Variants in FAP observed in about 807,000 individuals in gnomAD.
FAP encodes the protein fibroblast activation protein alpha.
A neutral mutation model predicts 126.5 loss-of-function variants in FAP; 110 were observed. The ratio of observed to expected loss-of-function variants is 0.87; its 90% CI spans 0.74 to 1.02. The LOEUF (loss-of-function observed/expected upper bound fraction) is 1.02. Among genes scored for constraint, FAP ranks in the 50% least tolerant of loss-of-function variants. The probability of loss-of-function intolerance (pLI) is 0.00; values close to 1 mark genes in which losing one functional copy is unlikely to be tolerated. For missense variants in FAP, 919 were observed against 909.2 expected (o/e 1.01, Z -0.14); for synonymous variants, 334 against 297.3 (o/e 1.12, Z -1.27).
At chr2:162,183,349 G>C in intron 21 of FAP, 65 bp downstream of exon 21, 3 of 1,191,988 alleles carry the variant, frequency 2.5e-6, no homozygotes, top group Non-Finnish European at 3.7e-6. Flanking sequence ...CCTTCTAAAC[G>C]AACACTTCAG....
chr2:162,192,321 C>T (rs1219838467), intron 17 of FAP, among the ~76,000 whole-genome samples: 1 of 151,722 alleles, frequency 6.6e-6, no homozygotes, highest in Non-Finnish European at 1.5e-5. Flanking sequence ...TTAGAGCAAG[C>T]CTTCCCTCAC....
At chr2:162,224,253 A>C (rs1165075590) in intron 5 of FAP, among the ~76,000 whole-genome samples, 1 of 152,128 alleles carries the variant, frequency 6.6e-6, no homozygotes, top group Non-Finnish European at 1.5e-5. Context: ...AAATGATGCA[A>C]GTATTATTTT....
chr2:162,218,561 T>TTAGATAGATAGA (rs3217172), intron 8 of FAP, among the ~76,000 whole-genome samples: 16 of 148,466 alleles, frequency 1.1e-4, no homozygotes, highest in Admixed American at 2.0e-4. Flanking sequence ...CACAGTTAGT[T>TTAGATAGATAGA]TAGATAGATA....
chr2:162,210,525 C>G (rs1243587799), intron 11 of FAP, among the ~76,000 whole-genome samples: 1 of 151,936 alleles, frequency 6.6e-6, no homozygotes, highest in Non-Finnish European at 1.5e-5. Flanking sequence ...GAGACCAGAC[C>G]TGCTTAGTCA....
At chr2:162,218,214 G>T in intron 8 of FAP, 74 bp from the exon 9 acceptor site, 1 of 972,572 alleles carries the variant, frequency 1.0e-6, no homozygotes, top group Non-Finnish European at 1.5e-6. Flanking sequence ...CTTCTAAATA[G>T]CTATTTATCA....
At position 162,198,892 on chromosome 2, in the gene FAP, A is replaced by G; in HGVS notation, c.1278-11T>C. ...CTTCCAATGCTAATTCTAGAGGGAA[A>G]TGAAAATAAAACTAAGCTGAAATTT... is the stretch of plus-strand genomic sequence containing the variant. On this transcript the variant is annotated splice_polypyrimidine_tract_variant and intron_variant, in intron 15 of 25. Coordinates refer to ENST00000188790, the MANE Select transcript of FAP (RefSeq NM_004460.5). 18 of 1,612,838 alleles carry G rather than the reference A, an allele frequency of 1.1e-5. No individual in the cohort carries two copies. The highest frequency in any genetic ancestry group is 1.5e-5 in the Non-Finnish European group (18 of 1,179,010).
At position 162,194,621 on chromosome 2, in the gene FAP, T is replaced by A. The variant is rs1688175148; in HGVS notation, c.1450+80A>T. ...GTTCCCCTTGGTGGTGTGGAGAAAC[T>A]GTCCTGCTTTCTCTAGCGGAGCATC... On this transcript the variant is annotated intron_variant, in intron 17 of 25. Coordinates refer to ENST00000188790, the MANE Select transcript of FAP (RefSeq NM_004460.5). The A allele has an allele frequency of 3.1e-6, 4 of 1,276,088 alleles. No individual in the cohort carries two copies. In the South Asian group the frequency reaches 4.8e-5, roughly 15 times the overall value. The allele number at this position is 1,276,088 out of a possible 1,614,324, so 79.0% of individuals were successfully genotyped here.
chr2:162,189,845 AC>A lies in FAP; in HGVS notation c.1451-92del. The A allele has an allele frequency of 7.3e-6, 5 of 681,062 alleles. No homozygotes were observed. In the East Asian group the frequency reaches 1.4e-4, roughly 19 times the overall value. 42.2% of individuals were successfully genotyped at this position (681,062 alleles called of 1,614,324 possible). On this transcript the variant is annotated intron_variant, in intron 17 of 25. Coordinates refer to ENST00000188790, the MANE Select transcript of FAP (RefSeq NM_004460.5). ...TTCCTTTGACTTCAATATGGGTGAA[AC>A]TGAAACTGTGAAAAGCTCGCTTAAG... is the stretch of plus-strand genomic sequence containing the variant.
intron 15 of FAP, 25 bp from the exon 16 acceptor site, chr2:162,198,906 A>C: frequency 6.2e-7 from 1 of 1,608,830 alleles, no homozygotes; most frequent in Non-Finnish European, 8.5e-7. Flanking sequence ...AAATAAAACT[A>C]AGCTGAAATT....
intron 12 of FAP, among the ~76,000 whole-genome samples, chr2:162,206,376 A>T (rs1290314508): frequency 6.6e-6 from 1 of 152,230 alleles, no homozygotes; most frequent in Non-Finnish European, 1.5e-5. Flanking sequence ...GTGCAAAGCC[A>T]TTTAAAATAT....
chr2:162,226,250 A>G (rs1271331457), intron 3 of FAP, among the ~76,000 whole-genome samples: 1 of 152,172 alleles, frequency 6.6e-6, no homozygotes, highest in Admixed American at 6.5e-5. Flanking sequence ...ACCATTCTCA[A>G]AAGTGATTAC....
At chr2:162,237,699 T>A (rs945143985) in intron 2 of FAP, among the ~76,000 whole-genome samples, 5 of 152,246 alleles carry the variant, frequency 3.3e-5, no homozygotes, top group African/African-American at 9.6e-5. Context: ...TGATTTATAA[T>A]CCTTTGGGGA....
intron 21 of FAP, among the ~76,000 whole-genome samples, chr2:162,178,624 C>T (rs374121077): frequency 2.7e-4 from 41 of 152,112 alleles, no homozygotes; most frequent in African/African-American, 8.4e-4. Flanking sequence ...AAAACCAGGG[C>T]TAGTGGGCTT....
At chr2:162,193,422 G>GA (rs1688127401) in intron 17 of FAP, 1 of 152,162 alleles carries the variant, frequency 6.6e-6, no homozygotes, top group Non-Finnish European at 1.5e-5. Context: ...TAAATAGTGA[G>GA]TGAAGTAATA....
intron 2 of FAP, among the ~76,000 whole-genome samples, chr2:162,234,625 C>T (rs1039944295): frequency 2.0e-5 from 3 of 152,104 alleles, no homozygotes; most frequent in Non-Finnish European, 4.4e-5. Flanking sequence ...TGAACAGAAG[C>T]GATGAGAGAG....
At chr2:162,208,162 A>G (rs1391643293) in intron 12 of FAP, among the ~76,000 whole-genome samples, 1 of 151,504 alleles carries the variant, frequency 6.6e-6, no homozygotes, top group East Asian at 2.0e-4. Context: ...AGGCTGAGGC[A>G]GGAGAATCGC....
chr2:162,198,563 T>C, intron 16 of FAP, 194 bp downstream of exon 16: 1 of 799,858 alleles, frequency 1.3e-6, no homozygotes, highest in Non-Finnish European at 1.9e-6. Context: ...CAAACTCTGT[T>C]TCCTCAGTTG....
chr2:162,216,399 G>A (rs1355870894), intron 9 of FAP, among the ~76,000 whole-genome samples: 1 of 152,102 alleles, frequency 6.6e-6, no homozygotes, highest in Non-Finnish European at 1.5e-5. Flanking sequence ...TAATTTGAGA[G>A]GAGAATGGAA....
At chr2:162,185,667 T>A (rs1348660904) in intron 20 of FAP, among the ~76,000 whole-genome samples, 1 of 152,172 alleles carries the variant, frequency 6.6e-6, no homozygotes, top group Non-Finnish European at 1.5e-5. Context: ...TTTACTGTTG[T>A]TTCCAAATAT....
Sources: allele counts gnomAD v4.1 joint callset (sites outside exome capture counted in the v4.1 genomes callset), GRCh38; gene constraint gnomAD v4.1.1; transcripts MANE v1.5; gene names NCBI Gene and HGNC (gene_info 2026-07-23, HGNC 2026-07-21).